MACF1: variants seen among roughly 807,000 people sequenced by gnomAD.
The protein encoded by MACF1 is microtubule actin crosslinking factor 1.
In MACF1, 193 loss-of-function variants were observed where a neutral mutation model predicts 854.8. The observed-to-expected ratio is 0.23, with a 90% CI of 0.20 to 0.25. MACF1 has a LOEUF of 0.25. MACF1 is among the 10% of genes least tolerant of loss of function. The pLI, the probability that MACF1 is intolerant of heterozygous loss-of-function variation, is 1.00. For missense variants in MACF1, 7,722 were observed against 8,929.1 expected, an observed-to-expected ratio of 0.86 and a Z score of 5.45; for synonymous variants, 3,185 against 3,226.7, an observed-to-expected ratio of 0.99 and a Z score of 0.44.
rs1409429406 is a variant in MACF1 at position 39,381,949 on chromosome 1, A to G, written c.13649-4A>G. The G allele has an allele frequency of 3.1e-6, 5 of 1,611,222 alleles. No individual in the cohort carries two copies. The Admixed American group carries it at 8.3e-5, about 27-fold the overall frequency. ...GAATACATTCCCTCATTTCCTCTCT[A>G]CAGATTCCCGATGGGAAAGGGCCAC... On this transcript the variant is annotated splice_region_variant and splice_polypyrimidine_tract_variant and intron_variant, in intron 55 of 100. Transcript: ENST00000564288.
At chr1:39,337,913 GC>G (rs1455467867) in intron 38 of MACF1, among the ~76,000 whole-genome samples, 1 of 152,048 alleles carries the variant, frequency 6.6e-6, no homozygotes, top group African/African-American at 2.4e-5. Flanking sequence ...GGGACTACAG[GC>G]GCCTGCCGCC....
chr1:39,367,657 G>A (rs1648845325), intron 49 of MACF1, among the ~76,000 whole-genome samples: 1 of 152,146 alleles, frequency 6.6e-6, no homozygotes, highest in Non-Finnish European at 1.5e-5. Context: ...TTTGACTCCT[G>A]AAACTTTCAT....
intron 2 of MACF1, among the ~76,000 whole-genome samples, chr1:39,087,018 G>A (rs1401869963): frequency 1.3e-5 from 2 of 152,134 alleles, no homozygotes; most frequent in African/African-American, 4.8e-5. Context: ...GCGACTTTAG[G>A]GTCTTGCTGA....
At chr1:39,410,908 G>C (rs747484248) in intron 58 of MACF1, 37 of 1,614,026 alleles carry the variant, frequency 2.3e-5, no homozygotes, top group Non-Finnish European at 2.8e-5. Flanking sequence ...CTTAAGTGGA[G>C]ACTGCCAGGA....
chr1:39,138,311 C>T (rs373329168), intron 2 of MACF1, among the ~76,000 whole-genome samples: 7 of 150,492 alleles, frequency 4.7e-5, no homozygotes, highest in South Asian at 2.1e-4. Context: ...AGGCTGGACG[C>T]GGTGGCTCAC....
chr1:39,183,695 T>C (rs759694985), intron 2 of MACF1, among the ~76,000 whole-genome samples: 2 of 152,338 alleles, frequency 1.3e-5, no homozygotes, highest in Middle Eastern at 3.4e-3. Context: ...CTTTAAACTG[T>C]GTGTCACACT....
At chr1:39,128,349 A>G (rs981180127) in intron 2 of MACF1, among the ~76,000 whole-genome samples, 1 of 152,100 alleles carries the variant, frequency 6.6e-6, no homozygotes, top group Non-Finnish European at 1.5e-5. Flanking sequence ...AGCTGAGACT[A>G]CAGGACTGCA....
intron 1 of MACF1, among the ~76,000 whole-genome samples, chr1:39,224,782 G>A (rs1478278447): frequency 6.6e-6 from 1 of 152,210 alleles, no homozygotes; most frequent in Non-Finnish European, 1.5e-5. Flanking sequence ...ATTCTGAAAA[G>A]GGACAACTCT....
chr1:39,295,038 A>G lies in MACF1; in HGVS notation c.2155-8A>G. On this transcript the variant is annotated splice_region_variant and splice_polypyrimidine_tract_variant and intron_variant, in intron 18 of 100. Transcript: ENST00000564288. ...TGCTTATGCTGTAAAATTGAATTCC[A>G]TTTTCAGGAGTTGACAATGGAACTG... 4 of 1,608,122 alleles carry G rather than the reference A, an allele frequency of 2.5e-6. No homozygotes were observed. The highest frequency in any genetic ancestry group is 3.4e-6 in the Non-Finnish European group (4 of 1,174,758).
intron 100 of MACF1, 181 bp from the exon 101 acceptor site, chr1:39,485,356 CA>C: frequency 1.5e-6 from 1 of 662,486 alleles, no homozygotes; most frequent in Non-Finnish European, 2.5e-6. Flanking sequence ...GGCAGCTTCT[CA>C]AGTAGAATCA....
chr1:39,269,581 G>A (rs1342903244), intron 6 of MACF1: 2 of 1,289,578 alleles, frequency 1.6e-6, no homozygotes, highest in Non-Finnish European at 2.0e-6. Context: ...TCCTCCTCTG[G>A]CTATGGCAGT....
Position 39,330,948 on chromosome 1 carries a change from C to G in MACF1, c.4615-255C>G, listed in dbSNP as rs55840803. Reference sequence around the variant, plus strand: ...TCCTGAGTAGCTGGGATTACAGGTGCGCACCACACCCAGCTAATATTTTGT... The same window carrying G: ...TCCTGAGTAGCTGGGATTACAGGTGGGCACCACACCCAGCTAATATTTTGT... On this transcript the variant is annotated intron_variant, in intron 36 of 100. Transcript: ENST00000564288. Among the ~76,000 whole-genome samples the G allele has an allele frequency of 3.8e-3, 582 of 151,962 alleles. 3 individuals carry two copies. The highest frequency in any genetic ancestry group is 0.013 in the African/African-American group (557 of 41,434).
intron 2 of MACF1, among the ~76,000 whole-genome samples, chr1:39,196,138 T>G (rs900669539): frequency 6.6e-6 from 1 of 152,304 alleles, no homozygotes; most frequent in Non-Finnish European, 1.5e-5. Flanking sequence ...AAATTGAGGT[T>G]CCATGAAGTT....
chr1:39,343,386 G>A (rs1452905421), intron 40 of MACF1, among the ~76,000 whole-genome samples: 1 of 152,196 alleles, frequency 6.6e-6, no homozygotes, highest in Non-Finnish European at 1.5e-5. Flanking sequence ...TCACGCAAGA[G>A]TTGACCTGCC....
chr1:39,096,875 C>CTTT (rs34305714), intron 2 of MACF1, among the ~76,000 whole-genome samples: 20 of 123,796 alleles, frequency 1.6e-4, no homozygotes, highest in South Asian at 5.1e-4. Context: ...TGAGGGATTC[C>CTTT]TTTTTTTTTT....
Position 39,205,085 on chromosome 1 carries a change from A to T in MACF1, c.63A>T (p.Gly21=). 1.4e-6 allele frequency: 1 copy of T among 702,880 alleles called. No homozygotes were observed. 43.5% of individuals were successfully genotyped at this position (702,880 alleles called of 1,614,324 possible). A position where few individuals can be genotyped will look rare whatever the true frequency, so the allele number is the denominator to read the frequency against. Residue 21 remains glycine (G), a synonymous_variant, in exon 1 of 101, where the codon GGA becomes GGT. Coordinates refer to ENST00000564288, the MANE Select transcript of MACF1 (RefSeq NM_001394062.1). ...PTIFILTHVL[G]VAGVLYWKRH... is the part of the protein sequence containing the mutation. ...TCTTTATTTTGACTCACGTTCTTGGAGTTGCTGGTGTTCTATACTGGAAGA... is the reference window on the plus strand; with the variant it reads ...TCTTTATTTTGACTCACGTTCTTGGTGTTGCTGGTGTTCTATACTGGAAGA...
At chr1:39,400,304 C>T (rs1436730812) in intron 58 of MACF1, among the ~76,000 whole-genome samples, 1 of 152,108 alleles carries the variant, frequency 6.6e-6, no homozygotes, top group African/African-American at 2.4e-5. Flanking sequence ...ATCTTACTTA[C>T]TTTAACTGTA....
chr1:39,343,410 C>A (rs1039252145), intron 40 of MACF1, among the ~76,000 whole-genome samples: 1 of 152,202 alleles, frequency 6.6e-6, no homozygotes. Flanking sequence ...TCTTTTTATA[C>A]CCTTTATCCA....
intron 56 of MACF1, among the ~76,000 whole-genome samples, chr1:39,382,676 C>T (rs1020123618): frequency 6.8e-5 from 10 of 146,604 alleles, no homozygotes; most frequent in Non-Finnish European, 1.5e-4. Context: ...AGCGTGACTC[C>T]GTCTCAAAAA....
Sources: gnomAD v4.1 joint callset for allele counts (sites outside exome capture counted in the v4.1 genomes callset) on GRCh38, gnomAD v4.1.1 for gene constraint, MANE v1.5 for transcripts, NCBI Gene and HGNC (gene_info 2026-07-23, HGNC 2026-07-21) for gene names.